The following NRXN2 variants were observed in gnomAD, a reference collection of about 807,000 sequenced individuals.
NRXN2 encodes neurexin-2-beta.
Under a neutral mutation model 128.8 loss-of-function variants are expected in NRXN2, and 29 were observed. That is an observed-to-expected ratio of 0.23 (90% CI 0.17 to 0.31). NRXN2 has a LOEUF of 0.31. Among genes scored for constraint, NRXN2 ranks in the 10% least tolerant of loss-of-function variants. The probability of loss-of-function intolerance (pLI) is 1.00; values close to 1 mark genes in which losing one functional copy is unlikely to be tolerated. For synonymous variants in NRXN2, 1,098 were observed against 1,075.2 expected (o/e 1.02, Z -0.41); for missense variants, 1,881 against 2,452.6 (o/e 0.77, Z 4.92).
In NRXN2 at chr11:64,607,727, G is replaced by A. The variant is rs1387975143; in HGVS notation, c.4608C>T (p.Pro1536=). ...CCGTGGCCCCATCTGTCCTGAGGTTGGGCCGGGGAGCGGGTTTGCGGGGTG... is the reference window on the plus strand; with the variant it reads ...CCGTGGCCCCATCTGTCCTGAGGTTAGGCCGGGGAGCGGGTTTGCGGGGTG... ...LLSPRKPAPR[P]NLRTDGATGA... is the part of the protein sequence containing the mutation. The change falls in exon 23 of 23, where the codon CCC becomes CCT. Residue 1536 remains proline, a synonymous_variant. Transcript: ENST00000265459. 1.9e-6 allele frequency: 3 copies of A among 1,566,100 alleles called. No individual in the cohort carries two copies. Among genetic ancestry groups the A allele is most frequent in the East Asian group, 2.4e-5 (1 of 41,934 alleles).
intron 22 of NRXN2, among the ~76,000 whole-genome samples, chr11:64,617,070 G>T (rs943715354): frequency 6.6e-6 from 1 of 152,158 alleles, no homozygotes; most frequent in African/African-American, 2.4e-5. Flanking sequence ...ACTTCAGGGG[G>T]GTATAAGCAC....
rs535877660 is a variant in NRXN2 at position 64,679,258 on chromosome 11, T to C, written c.1153-2221A>G. Among the ~76,000 whole-genome samples, 22 of 152,336 alleles carry C rather than the reference T, an allele frequency of 1.4e-4. 2 individuals carry two copies. The East Asian group carries it at 1.5e-3, about 11-fold the overall frequency. On this transcript the variant is annotated intron_variant, in intron 6 of 22. Coordinates refer to ENST00000265459, the MANE Select transcript of NRXN2 (RefSeq NM_015080.4). The stretch of plus-strand genomic sequence containing the variant: ...CAATTACTACTCTTTGAGTTAGAAC[T>C]GGTTATGGAGAATAAAATAAGATTC...
chr11:64,646,330 T>C (rs548093199), intron 17 of NRXN2: 1 of 152,488 alleles, frequency 6.6e-6, no homozygotes, highest in African/African-American at 2.4e-5. Flanking sequence ...TGCTGAAAGG[T>C]AGCACAACCC....
chr11:64,652,010 A>G, intron 13 of NRXN2, 25 bp downstream of exon 13: 2 of 1,607,698 alleles, frequency 1.2e-6, no homozygotes, highest in Non-Finnish European at 1.7e-6. Flanking sequence ...AGATGTGTCC[A>G]CCTCCCTGGG....
Position 64,635,589 on chromosome 11 carries a change from C to G in NRXN2, c.3404-137G>C, listed in dbSNP as rs908129765. On this transcript the variant is annotated intron_variant, in intron 17 of 22. Coordinates refer to ENST00000265459, the MANE Select transcript of NRXN2 (RefSeq NM_015080.4). This position sits in a 1 kb window ranked among gnomAD's most constrained non-coding sequence, Gnocchi z 4.8. ...TCAGCTGTGATACCCACAGCAGCCA[C>G]CAGCCCTGCCACCCCAGGGAGAAGT... 2.1e-6 allele frequency: 2 copies of G among 958,496 alleles called. No individual in the cohort carries two copies. Among genetic ancestry groups the G allele is most frequent in the African/African-American group, 3.2e-5 (2 of 61,966 alleles). 59.4% of individuals were successfully genotyped at this position (958,496 alleles called of 1,614,324 possible).
intron 5 of NRXN2, among the ~76,000 whole-genome samples, chr11:64,687,751 G>A (rs1257659567): frequency 6.6e-6 from 1 of 152,204 alleles, no homozygotes; most frequent in African/African-American, 2.4e-5. Flanking sequence ...GGAGCAAGAA[G>A]GGATGAGCGC....
rs139537044 is a variant in NRXN2, at chr11:64,661,509, G to A, written c.1799-370C>T. ...TTCACTGGGTCATTCCTGCCAGCCA[G>A]TTCCTTAGACTGGGAACCGGAAGCA... On this transcript the variant is annotated intron_variant, in intron 9 of 22. Transcript: ENST00000265459. 1.8e-3 allele frequency: 1,238 copies of A among 684,350 alleles called. 2 individuals are homozygous for A. The highest frequency in any genetic ancestry group is 7.1e-3 in the Admixed American group (170 of 23,918). The allele number at this position is 684,350 out of a possible 1,614,324, so 42.4% of individuals were successfully genotyped here. A position where few individuals can be genotyped will look rare whatever the true frequency, so the allele number is the denominator to read the frequency against.
intron 6 of NRXN2, among the ~76,000 whole-genome samples, chr11:64,678,166 G>A (rs2051635021): frequency 6.6e-6 from 1 of 151,976 alleles, no homozygotes; most frequent in Admixed American, 6.6e-5. Context: ...ACCAGAACAG[G>A]GAAAAGGAAA....
chr11:64,683,619 C>CAA lies in NRXN2; in HGVS notation c.1152+2025_1152+2026dup, dbSNP rs146075955. Among the ~76,000 whole-genome samples the CAA allele has an allele frequency of 1.5e-4, 11 of 75,678 alleles. 1 individual carries two copies. Among genetic ancestry groups the CAA allele is most frequent in the East Asian group, 8.7e-4 (2 of 2,298 alleles). 49.6% of individuals were successfully genotyped at this position (75,678 alleles called of 152,430 possible). ...TGGGCAACAGAGTGAGACTCCATCT[C>CAA]AAAAAAAAAAAAAAAAAGAAAAGAA... On this transcript the variant is annotated intron_variant, in intron 6 of 22. Transcript: ENST00000265459.
At position 64,660,849 on chromosome 11, in the gene NRXN2, C is replaced by A; in HGVS notation, c.2089G>T (p.Ala697Ser). ...CAGACGCCCCCATTGCGACAGGGGG[C>A]AGATGCACACTGCTTCAGCGTCTCC... is the stretch of plus-strand genomic sequence containing the variant. ...SRETLKQCAS[A>S]PCRNGGVCRE... is the part of the protein sequence containing the mutation. Residue 697 changes from alanine to serine, a missense_variant, in exon 10 of 23, where the codon GCC becomes TCC. Physicochemically the swap from Ala to Ser is moderately conservative, Grantham distance 99. Coordinates refer to ENST00000265459, the MANE Select transcript of NRXN2 (RefSeq NM_015080.4). The surrounding 1 kb of genome is among the most constrained non-coding windows in gnomAD (Gnocchi z 5.2). The A allele has an allele frequency of 6.2e-7, 1 of 1,613,992 alleles. No individual in the cohort carries two copies. The highest frequency in any genetic ancestry group is 1.3e-5 in the African/African-American group (1 of 75,050).
intron 14 of NRXN2, among the ~76,000 whole-genome samples, chr11:64,650,855 C>T (rs771281599): frequency 5.3e-5 from 8 of 152,094 alleles, no homozygotes; most frequent in Admixed American, 1.3e-4. Context: ...ACCAAGGAGC[C>T]GGCTCTTGTG....
rs756738556 is a variant in NRXN2 at position 64,690,469 on chromosome 11, G to A, written c.786C>T (p.Ser262=). Reference sequence around the variant, plus strand: ...CGGCCCCCCCCTCGGAGAACAGTAAGGACCCTACTGGAGAAGCAGAATTGG... The same window carrying A: ...CGGCCCCCCCCTCGGAGAACAGTAAAGACCCTACTGGAGAAGCAGAATTGG... ...AHLTLNSEVG[S]LLFSEGGAGR... The change falls in exon 5 of 23, where the codon TCC becomes TCT. Residue 262 remains serine (S), a synonymous_variant. Transcript: ENST00000265459. 2 of 1,613,422 alleles carry A rather than the reference G, an allele frequency of 1.2e-6. No homozygotes were observed. Among genetic ancestry groups the A allele is most frequent in the Non-Finnish European group, 1.7e-6 (2 of 1,179,856 alleles).
intron 22 of NRXN2, among the ~76,000 whole-genome samples, chr11:64,619,598 C>T (rs1448621597): frequency 6.6e-6 from 1 of 152,206 alleles, no homozygotes; most frequent in East Asian, 1.9e-4. Context: ...CCTTCCCTCC[C>T]AGCCCTGCTC....
Position 64,607,730 on chromosome 11 carries a change from C to G in NRXN2, c.4605G>C (p.Arg1535=), listed in dbSNP as rs762226160. The stretch of plus-strand genomic sequence containing the variant: ...TGGCCCCATCTGTCCTGAGGTTGGG[C>G]CGGGGAGCGGGTTTGCGGGGTGACA... ...TLLSPRKPAP[R]PNLRTDGATG... The change falls in exon 23 of 23, where the codon CGG becomes CGC. Residue 1535 remains arginine, a synonymous_variant. Coordinates refer to ENST00000265459, the MANE Select transcript of NRXN2 (RefSeq NM_015080.4). 3 of 1,566,864 alleles carry G rather than the reference C, an allele frequency of 1.9e-6. No homozygotes were observed. The highest frequency in any genetic ancestry group is 2.6e-6 in the Non-Finnish European group (3 of 1,156,268).
chr11:64,703,804 T>C (rs148076006), intron 2 of NRXN2, among the ~76,000 whole-genome samples: 3 of 152,336 alleles, frequency 2.0e-5, no homozygotes, highest in Admixed American at 2.0e-4. Context: ...CATTTATTGA[T>C]CACTCAGAAT....
chr11:64,699,083 T>C (rs1028439444), intron 2 of NRXN2, among the ~76,000 whole-genome samples: 1 of 152,234 alleles, frequency 6.6e-6, no homozygotes, highest in Non-Finnish European at 1.5e-5. Flanking sequence ...TATCTGTTCA[T>C]TCGCTCATAG....
At chr11:64,684,337 G>C (rs899843826) in intron 6 of NRXN2, among the ~76,000 whole-genome samples, 1 of 152,136 alleles carries the variant, frequency 6.6e-6, no homozygotes, top group African/African-American at 2.4e-5. Context: ...TGACAACGCG[G>C]GACAGCCCTC....
chr11:64,718,820 T>A (rs1459354986), intron 1 of NRXN2, among the ~76,000 whole-genome samples: 1 of 152,014 alleles, frequency 6.6e-6, no homozygotes, highest in Non-Finnish European at 1.5e-5. Flanking sequence ...CTTCCAGCCG[T>A]GATGATCTGG....
At position 64,607,041 on chromosome 11, in the gene NRXN2, G is replaced by T; in HGVS notation, c.*155C>A. ...GGCAGGAGGAAGGGGGCGAGCACGG[G>T]GTTTTTCCTTTTCTTTTTTTGCGTT... On this transcript the variant is annotated 3_prime_UTR_variant, in exon 23 of 23. Transcript: ENST00000265459. The T allele has an allele frequency of 2.5e-6, 2 of 785,640 alleles. No individual in the cohort carries two copies. The highest frequency in any genetic ancestry group is 3.9e-6 in the Non-Finnish European group (2 of 506,502). 48.7% of individuals were successfully genotyped at this position (785,640 alleles called of 1,614,324 possible).
Sources: gnomAD v4.1 joint callset for allele counts (sites outside exome capture counted in the v4.1 genomes callset) on GRCh38, gnomAD v4.1.1 for gene constraint, Gnocchi (gnomAD v3.1) non-coding constraint, MANE v1.5 for transcripts, NCBI Gene and HGNC (gene_info 2026-07-23, HGNC 2026-07-21) for gene names.